Variants in PHLPP1 observed in about 807,000 individuals in gnomAD.
PHLPP1 encodes the protein PH domain and leucine rich repeat protein phosphatase 1.
PHLPP1 carries 42 observed loss-of-function variants against 117.2 expected under a neutral mutation model. The observed-to-expected ratio is 0.36, with a 90% CI of 0.28 to 0.46. The LOEUF (loss-of-function observed/expected upper bound fraction) is 0.46. PHLPP1 is among the 20% of genes least tolerant of loss of function. The probability of loss-of-function intolerance (pLI) is 1.00; values close to 1 mark genes in which losing one functional copy is unlikely to be tolerated. For synonymous variants in PHLPP1, 1,042 were observed against 970.7 expected (o/e 1.07, Z -1.37); for missense variants, 2,084 against 2,241.9 (o/e 0.93, Z 1.42).
intron 10 of PHLPP1, among the ~76,000 whole-genome samples, chr18:62,935,299 G>T (rs117481970): frequency 0.021 from 3,128 of 152,220 alleles, 45 homozygotes; most frequent in South Asian, 0.055. Context: ...ATCAAAGGAG[G>T]TTACTTAAGA....
At chr18:62,875,385 G>C (rs780187569) in intron 4 of PHLPP1, among the ~76,000 whole-genome samples, 17 of 151,624 alleles carry the variant, frequency 1.1e-4, no homozygotes, top group Non-Finnish European at 2.1e-4. Context: ...TGTTACTATT[G>C]TCCCCTGACA....
chr18:62,749,237 T>G (rs1911771140), intron 1 of PHLPP1, among the ~76,000 whole-genome samples: 2 of 151,956 alleles, frequency 1.3e-5, no homozygotes, highest in Non-Finnish European at 1.5e-5. Context: ...TATAAGGTTT[T>G]TTTTTTTTTT....
At position 62,943,151 on chromosome 18, in the gene PHLPP1, G is replaced by A. The variant is rs145064249; in HGVS notation, c.3161+1233G>A. On this transcript the variant is annotated intron_variant, in intron 11 of 16. Transcript: ENST00000262719. ...GATATACCCCCAGTGACCCGTGCCA[G>A]GTGTAATCACCCACCCTAAGTGCAG... 4.6e-3 allele frequency among the ~76,000 whole-genome samples: 697 copies of A among 152,254 alleles called. 2 individuals are homozygous for A. Among genetic ancestry groups the A allele is most frequent in the Non-Finnish European group, 6.2e-3 (419 of 68,022 alleles).
chr18:62,716,247 G>A lies in PHLPP1; in HGVS notation c.564G>A (p.Gln188=), dbSNP rs1272070065. The change falls in exon 1 of 17, where the codon CAG becomes CAA. Residue 188 remains glutamine, a synonymous_variant. Coordinates refer to ENST00000262719, the MANE Select transcript of PHLPP1 (RefSeq NM_194449.4). This position sits in a 1 kb window ranked among gnomAD's most constrained non-coding sequence, Gnocchi z 5.7. ...AGCACCGGCAGACGCTGCAGCTGCA[G>A]CCGTCGGACCGGGACTGGGTGAGGC... ...LLKHRQTLQL[Q]PSDRDWVRHQ... 3 of 1,529,842 alleles carry A rather than the reference G, an allele frequency of 2.0e-6. No homozygotes were observed. Among genetic ancestry groups the A allele is most frequent in the African/African-American group, 2.8e-5 (2 of 72,164 alleles). 94.8% of individuals were successfully genotyped at this position (1,529,842 alleles called of 1,614,324 possible).
At chr18:62,872,986 C>CAAAAAA (rs60920082) in intron 4 of PHLPP1, among the ~76,000 whole-genome samples, 9 of 54,756 alleles carry the variant, frequency 1.6e-4, no homozygotes, top group African/African-American at 4.5e-4. Context: ...AACTCTGCCT[C>CAAAAAA]AAAAAAAAAA....
At chr18:62,739,779 C>G (rs1052323722) in intron 1 of PHLPP1, among the ~76,000 whole-genome samples, 2 of 152,044 alleles carry the variant, frequency 1.3e-5, no homozygotes, top group Non-Finnish European at 2.9e-5. Flanking sequence ...CTTGTAAGAG[C>G]TCTGGAAGTC....
At chr18:62,890,558 G>A (rs975866962) in intron 4 of PHLPP1, among the ~76,000 whole-genome samples, 9 of 152,094 alleles carry the variant, frequency 5.9e-5, no homozygotes, top group Non-Finnish European at 1.0e-4. Context: ...GAGCCACTCC[G>A]CCAAGCCTTC....
chr18:62,811,789 A>G (rs760839656), intron 1 of PHLPP1, among the ~76,000 whole-genome samples: 3 of 152,168 alleles, frequency 2.0e-5, no homozygotes, highest in Admixed American at 6.5e-5. Context: ...AATGGGTTTA[A>G]GGTATTTTTC....
At chr18:62,932,232 A>G (rs1876689339) in intron 10 of PHLPP1, among the ~76,000 whole-genome samples, 1 of 152,244 alleles carries the variant, frequency 6.6e-6, no homozygotes, top group African/African-American at 2.4e-5. Context: ...AAACTATTCC[A>G]AAAAGTTGAG....
intron 9 of PHLPP1, 31 bp from the exon 10 acceptor site, chr18:62,919,928 A>G (rs1413862599): frequency 2.0e-6 from 3 of 1,525,048 alleles, no homozygotes; most frequent in South Asian, 1.2e-5. Flanking sequence ...ACTCTTTTTC[A>G]TTTTTTGGTC....
At chr18:62,912,762 G>A (rs908652723) in intron 8 of PHLPP1, among the ~76,000 whole-genome samples, 2 of 152,072 alleles carry the variant, frequency 1.3e-5, no homozygotes, top group African/African-American at 4.8e-5. Flanking sequence ...TGGGATTACA[G>A]GCACACACCA....
chr18:62,974,409 G>A (rs989306557), intron 15 of PHLPP1, among the ~76,000 whole-genome samples: 1 of 152,148 alleles, frequency 6.6e-6, no homozygotes, highest in Non-Finnish European at 1.5e-5. Context: ...GGTTTCCATT[G>A]CTCTTCTTGC....
intron 5 of PHLPP1, among the ~76,000 whole-genome samples, chr18:62,895,517 T>C (rs1424581697): frequency 2.0e-5 from 3 of 152,232 alleles, no homozygotes; most frequent in Non-Finnish European, 4.4e-5. Flanking sequence ...TCAATTCATA[T>C]CACAGTTAGC....
At chr18:62,977,294 G>T (rs1911216074) in intron 16 of PHLPP1, among the ~76,000 whole-genome samples, 1 of 152,108 alleles carries the variant, frequency 6.6e-6, no homozygotes, top group Non-Finnish European at 1.5e-5. Flanking sequence ...GAAACACTTT[G>T]TCATCCCAGA....
chr18:62,932,335 A>G (rs112147632), intron 10 of PHLPP1, among the ~76,000 whole-genome samples: 73 of 152,274 alleles, frequency 4.8e-4, no homozygotes, highest in African/African-American at 1.6e-3. Context: ...TAACAAGCCA[A>G]TATCTCTGAT....
intron 1 of PHLPP1, among the ~76,000 whole-genome samples, chr18:62,804,213 C>T (rs1384191658): frequency 6.6e-6 from 1 of 152,092 alleles, no homozygotes; most frequent in African/African-American, 2.4e-5. Context: ...CTCATGAGAA[C>T]TCACTCACCA....
intron 9 of PHLPP1, among the ~76,000 whole-genome samples, chr18:62,917,868 T>C (rs1392394099): frequency 2.6e-5 from 4 of 151,438 alleles, no homozygotes; most frequent in African/African-American, 7.3e-5. Context: ...TCATTAAAAT[T>C]GATTTAATAC....
At chr18:62,739,747 A>C (rs1414302287) in intron 1 of PHLPP1, among the ~76,000 whole-genome samples, 2 of 152,106 alleles carry the variant, frequency 1.3e-5, no homozygotes, top group Non-Finnish European at 1.5e-5. Context: ...TAAGGCTTTT[A>C]GGAAGGATGG....
At chr18:62,777,013 G>A (rs898788415) in intron 1 of PHLPP1, among the ~76,000 whole-genome samples, 1 of 152,198 alleles carries the variant, frequency 6.6e-6, no homozygotes. Flanking sequence ...TGAACAATGT[G>A]TTATGAACAT....
Sources: gnomAD v4.1 joint callset for allele counts (sites outside exome capture counted in the v4.1 genomes callset) on GRCh38, gnomAD v4.1.1 for gene constraint, Gnocchi (gnomAD v3.1) non-coding constraint, MANE v1.5 for transcripts, NCBI Gene and HGNC (gene_info 2026-07-23, HGNC 2026-07-21) for gene names.